BICRA: variants seen among roughly 807,000 people sequenced by gnomAD.
BICRA encodes the protein BRD4-interacting chromatin-remodeling complex-associated protein.
BICRA carries 31 observed loss-of-function variants against 96.9 expected under a neutral mutation model. The observed-to-expected ratio is 0.32, with a 90% CI of 0.24 to 0.43. BICRA has a LOEUF of 0.43. Ranked by LOEUF, BICRA falls within the 20% of genes least tolerant of loss-of-function variation. BICRA has a pLI of 1.00. For synonymous variants in BICRA, 1,350 were observed against 1,071.8 expected (o/e 1.26, Z -5.07); for missense variants, 2,283 against 2,190.3 (o/e 1.04, Z -0.84).
At chr19:47,690,757 C>T (rs562957464) in intron 7 of BICRA, among the ~76,000 whole-genome samples, 1 of 151,910 alleles carries the variant, frequency 6.6e-6, no homozygotes, top group African/African-American at 2.4e-5. Context: ...CTGTTTTCCC[C>T]AGTAAGTCAT....
upstream of BICRA, among the ~76,000 whole-genome samples, chr19:47,608,945 T>G (rs1971851093): frequency 2.1e-5 from 3 of 145,508 alleles, no homozygotes; most frequent in Admixed American, 6.8e-5. Context: ...TTTTTTTTTT[T>G]TTTGCATACC....
rs765432251 is a variant in BICRA, at chr19:47,701,390, C to T, written c.3658C>T (p.Arg1220Trp). The T allele has an allele frequency of 8.7e-6, 14 of 1,606,776 alleles. No homozygotes were observed. The highest frequency in any genetic ancestry group is 6.8e-5 in the Admixed American group (4 of 59,202). ...CATCGCAGCCTCTTCCGAGGGTCAT[C>T]GGCTTCCCGGCCACGGCCCCCTGTC... The part of the protein sequence containing the change: ...LPIAASSEGH[R>W]LPGHGPLSSS... Residue 1220 changes from arginine to tryptophan, a missense_variant, in exon 15 of 15, where the codon CGG becomes TGG. Physicochemically the swap from Arg to Trp is moderately radical, Grantham distance 101. Coordinates refer to ENST00000594866, the MANE Select transcript of BICRA (RefSeq NM_001394372.1). The surrounding 1 kb of genome is among the most constrained non-coding windows in gnomAD (Gnocchi z 5.4).
rs530218523 is a variant in BICRA, at chr19:47,667,533, C to T, written c.-107-2910C>T. 2.2e-4 allele frequency among the ~76,000 whole-genome samples: 34 copies of T among 152,274 alleles called. No individual in the cohort carries two copies. In the East Asian group the frequency reaches 5.8e-3, roughly 26 times the overall value. ...GAGCCAGGGAGGAGGCATGAACAGACGTGAACCCTTCATCTTGGGAGCTCG... is the reference window on the plus strand; with the variant it reads ...GAGCCAGGGAGGAGGCATGAACAGATGTGAACCCTTCATCTTGGGAGCTCG... On this transcript the variant is annotated intron_variant, in intron 1 of 14. Coordinates refer to ENST00000594866, the MANE Select transcript of BICRA (RefSeq NM_001394372.1).
intron 7 of BICRA, among the ~76,000 whole-genome samples, chr19:47,682,803 C>G (rs775607748): frequency 3.9e-5 from 6 of 152,068 alleles, no homozygotes; most frequent in Non-Finnish European, 8.8e-5. Context: ...TCCCGCGTAG[C>G]TGGAGTTACA....
rs1973400842 is a variant in BICRA at position 47,699,221 on chromosome 19, C to G, written c.3493-82C>G. The G allele has an allele frequency of 4.4e-6, 4 of 903,212 alleles. No individual in the cohort carries two copies. The highest frequency in any genetic ancestry group is 1.4e-5 in the South Asian group (1 of 70,040). 55.9% of individuals were successfully genotyped at this position (903,212 alleles called of 1,614,324 possible). On this transcript the variant is annotated intron_variant, in intron 13 of 14. Coordinates refer to ENST00000594866, the MANE Select transcript of BICRA (RefSeq NM_001394372.1). This position sits in a 1 kb window ranked among gnomAD's most constrained non-coding sequence, Gnocchi z 5.0. ...CTCCCATCACAAGGACAGTTTGGACCTTGCACGCATCGTCCCCGTCGCTCG... is the reference window on the plus strand; with the variant it reads ...CTCCCATCACAAGGACAGTTTGGACGTTGCACGCATCGTCCCCGTCGCTCG...
chr19:47,667,220 A>G (rs188300341), intron 1 of BICRA, among the ~76,000 whole-genome samples: 220 of 152,140 alleles, frequency 1.4e-3, no homozygotes, highest in Non-Finnish European at 2.6e-3. Context: ...GGGTTTCACC[A>G]TTCACACAAT....
At position 47,698,600 on chromosome 19, in the gene BICRA, CG is replaced by C; in HGVS notation, c.3249-33del. 9.6e-7 allele frequency: 1 copy of C among 1,045,346 alleles called. No individual in the cohort carries two copies. The highest frequency in any genetic ancestry group is 1.5e-6 in the Non-Finnish European group (1 of 670,072). The allele number at this position is 1,045,346 out of a possible 1,614,324, so 64.8% of individuals were successfully genotyped here. On this transcript the variant is annotated intron_variant, in intron 11 of 14. Coordinates refer to ENST00000594866, the MANE Select transcript of BICRA (RefSeq NM_001394372.1). The surrounding 1 kb of genome is among the most constrained non-coding windows in gnomAD (Gnocchi z 4.8). ...GCCCTCACCCGTCCCCCCCACCCTC[CG>C]CCGTGTGTGGTCTCTCCCCTTTCCA...
At chr19:47,646,828 A>T (rs1568556337) in intron 1 of BICRA, among the ~76,000 whole-genome samples, 1 of 152,172 alleles carries the variant, frequency 6.6e-6, no homozygotes, top group Non-Finnish European at 1.5e-5. Flanking sequence ...CAGTTCACCC[A>T]TGTAAATCGT....
chr19:47,702,452 G>C lies in BICRA; in HGVS notation c.*37G>C. 1 of 1,443,330 alleles carries C rather than the reference G, an allele frequency of 6.9e-7. No homozygotes were observed. Among genetic ancestry groups the C allele is most frequent in the Non-Finnish European group, 9.0e-7 (1 of 1,111,668 alleles). 89.4% of individuals were successfully genotyped at this position (1,443,330 alleles called of 1,614,324 possible). A position where few individuals can be genotyped will look rare whatever the true frequency, so the allele number is the denominator to read the frequency against. ...CTCCCCTTCCCCGTCCCCTCCTCCC[G>C]AAGACGCCGGGACAGTCGGGTGTCC... is the stretch of plus-strand genomic sequence containing the variant. On this transcript the variant is annotated 3_prime_UTR_variant, in exon 15 of 15. Coordinates refer to ENST00000594866, the MANE Select transcript of BICRA (RefSeq NM_001394372.1).
intron 1 of BICRA, among the ~76,000 whole-genome samples, chr19:47,617,413 GA>G (rs1280406427): frequency 6.6e-6 from 1 of 151,104 alleles, no homozygotes; most frequent in Admixed American, 6.6e-5. Flanking sequence ...ACCCAGACTG[GA>G]GTGTAGTGGC....
At chr19:47,668,056 C>A (rs897338156) in intron 1 of BICRA, among the ~76,000 whole-genome samples, 55 of 152,096 alleles carry the variant, frequency 3.6e-4, no homozygotes, top group Admixed American at 2.3e-3. Context: ...TAGTGAAACT[C>A]TGTCTTTACT....
At chr19:47,620,354 T>C (rs1361533143) in intron 1 of BICRA, among the ~76,000 whole-genome samples, 2 of 151,896 alleles carry the variant, frequency 1.3e-5, no homozygotes, top group Admixed American at 6.6e-5. Context: ...TCTTTGGAGT[T>C]CCTGTGTGTT....
At chr19:47,642,760 C>T (rs1972402475) in intron 1 of BICRA, among the ~76,000 whole-genome samples, 2 of 152,108 alleles carry the variant, frequency 1.3e-5, no homozygotes, top group African/African-American at 4.8e-5. Flanking sequence ...TTTTTCAAAG[C>T]AGTTGTTTAC....
intron 1 of BICRA, among the ~76,000 whole-genome samples, chr19:47,625,224 T>C (rs1972123425): frequency 6.6e-6 from 1 of 151,594 alleles, no homozygotes; most frequent in South Asian, 2.1e-4. Context: ...GGTCTCGAAC[T>C]CCTGACCTCC....
intron 7 of BICRA, 134 bp downstream of exon 7, chr19:47,682,286 C>G (rs1568571596): frequency 7.2e-6 from 4 of 557,146 alleles, no homozygotes; most frequent in Non-Finnish European, 1.3e-5. Flanking sequence ...TCTCCTTCAC[C>G]CCCCAAGTGT....
At chr19:47,683,585 C>T (rs1048929466) in intron 7 of BICRA, among the ~76,000 whole-genome samples, 2 of 132,216 alleles carry the variant, frequency 1.5e-5, no homozygotes, top group African/African-American at 2.7e-5. Flanking sequence ...GGGAGGGCTA[C>T]GTTCTTTTTT....
chr19:47,665,772 G>A (rs1972769652), intron 1 of BICRA, among the ~76,000 whole-genome samples: 1 of 152,192 alleles, frequency 6.6e-6, no homozygotes, highest in African/African-American at 2.4e-5. Flanking sequence ...CAAAACTGCT[G>A]TTTTCCATTG....
At position 47,694,382 on chromosome 19, in the gene BICRA, G is replaced by C; in HGVS notation, c.2551G>C (p.Ala851Pro). ...CGTTCCCCCGCCTGCCAGCAACCCG[G>C]CCCCTACTGCCCCAGGCCCGCCGCA... Reference protein sequence around the residue: ...LGVPPPASNPAPTAPGPPQPP... With the variant: ...LGVPPPASNPPPTAPGPPQPP... The change falls in exon 8 of 15, where the codon GCC (alanine) becomes CCC (proline). Residue 851 changes from alanine to proline, a missense_variant. Physicochemically the swap from Ala to Pro is conservative, Grantham distance 27. Transcript: ENST00000594866. 1 of 1,143,884 alleles carries C rather than the reference G, an allele frequency of 8.7e-7. No individual in the cohort carries two copies. Among genetic ancestry groups the C allele is most frequent in the Non-Finnish European group, 1.3e-6 (1 of 783,496 alleles). The allele number at this position is 1,143,884 out of a possible 1,614,324, so 70.9% of individuals were successfully genotyped here. A position where few individuals can be genotyped will look rare whatever the true frequency, so the allele number is the denominator to read the frequency against.
chr19:47,685,793 G>GCGCA (rs1555790164), intron 7 of BICRA, among the ~76,000 whole-genome samples: 119 of 144,188 alleles, frequency 8.3e-4, no homozygotes, highest in South Asian at 3.9e-3. Flanking sequence ...GTGTGCGCGC[G>GCGCA]CGCGCGCATG....
Sources: allele counts gnomAD v4.1 joint callset (sites outside exome capture counted in the v4.1 genomes callset), GRCh38; gene constraint gnomAD v4.1.1; non-coding constraint Gnocchi (gnomAD v3.1); transcripts MANE v1.5; gene names NCBI Gene and HGNC (gene_info 2026-07-23, HGNC 2026-07-21).